The following STARD13 variants were observed in gnomAD, a reference collection of about 807,000 sequenced individuals.
STARD13 encodes StAR related lipid transfer domain containing 13.
A neutral mutation model predicts 106.4 loss-of-function variants in STARD13; 62 were observed. That is an observed-to-expected ratio of 0.58 (90% CI 0.48 to 0.72). The LOEUF (loss-of-function observed/expected upper bound fraction) is 0.72, where lower values mean the gene tolerates loss of function less well. STARD13 is among the 30% of genes least tolerant of loss of function. The probability of loss-of-function intolerance (pLI) is 0.00; values close to 1 mark genes in which losing one functional copy is unlikely to be tolerated. For missense variants in STARD13, 1,387 were observed against 1,424.0 expected (o/e 0.97, Z 0.42); for synonymous variants, 565 against 553.0 (o/e 1.02, Z -0.31).
At chr13:33,459,123 T>C in the STARD13 span, among the ~76,000 whole-genome samples, 1 of 152,190 alleles carries the variant, frequency 6.6e-6, no homozygotes, top group Non-Finnish European at 1.5e-5. Context: ...ATAAATTGCA[T>C]AGATATAGTG....
At chr13:33,356,074 C>A in the STARD13 span, among the ~76,000 whole-genome samples, 441 of 152,280 alleles carry the variant, frequency 2.9e-3, 5 homozygotes, top group African/African-American at 9.9e-3. Flanking sequence ...ATCACAATTC[C>A]TTTCTATATT....
At chr13:33,490,467 A>T in the STARD13 span, among the ~76,000 whole-genome samples, 1 of 152,200 alleles carries the variant, frequency 6.6e-6, no homozygotes, top group Admixed American at 6.5e-5. Context: ...GGAGGCAAGC[A>T]GACCGACAGT....
At chr13:33,429,929 G>GA in the STARD13 span, among the ~76,000 whole-genome samples, 2 of 144,606 alleles carry the variant, frequency 1.4e-5, no homozygotes, top group African/African-American at 5.3e-5. Context: ...TTTTTTTTTG[G>GA]GGGGGGGGGA....
At chr13:33,630,534 C>T in the STARD13 span, among the ~76,000 whole-genome samples, 1 of 152,206 alleles carries the variant, frequency 6.6e-6, no homozygotes, top group Admixed American at 6.5e-5. Context: ...AGTCACTCTG[C>T]AAGATGCAAT....
chr13:33,291,245 C>G (rs1193355624), intron 1 of STARD13, among the ~76,000 whole-genome samples: 1 of 152,212 alleles, frequency 6.6e-6, no homozygotes, highest in African/African-American at 2.4e-5. Flanking sequence ...TCAGGCAGGA[C>G]AAATCTATGC....
intron 1 of STARD13, among the ~76,000 whole-genome samples, chr13:33,183,138 A>T (rs1248870629): frequency 1.3e-5 from 2 of 152,184 alleles, no homozygotes; most frequent in Non-Finnish European, 2.9e-5. Context: ...ACTTTCACAC[A>T]TTCATTATGG....
the STARD13 span, among the ~76,000 whole-genome samples, chr13:33,616,662 T>C: frequency 1.3e-5 from 2 of 152,248 alleles, no homozygotes; most frequent in Admixed American, 6.5e-5. Flanking sequence ...TTGTGCCTAC[T>C]ACAAGCCATA....
chr13:33,331,526 A>AT (rs35827468), intron 1 of STARD13, among the ~76,000 whole-genome samples: 161 of 130,804 alleles, frequency 1.2e-3, no homozygotes, highest in African/African-American at 3.8e-3. Flanking sequence ...CTGATTTTGT[A>AT]TTTTTTTTTT....
chr13:33,467,025 G>A, the STARD13 span, among the ~76,000 whole-genome samples: 1 of 151,996 alleles, frequency 6.6e-6, no homozygotes, highest in African/African-American at 2.4e-5. Flanking sequence ...TTCACTGACT[G>A]GGACCACAGT....
At chr13:33,539,979 C>T in the STARD13 span, among the ~76,000 whole-genome samples, 1 of 152,178 alleles carries the variant, frequency 6.6e-6, no homozygotes, top group Admixed American at 6.5e-5. Flanking sequence ...CAATTACAAA[C>T]AACTTAGTTT....
In STARD13 at chr13:33,173,320, G is replaced by GC. The variant is rs1345109017; in HGVS notation, c.170-5699dup. Among the ~76,000 whole-genome samples, 4 of 152,220 alleles carry GC rather than the reference G, an allele frequency of 2.6e-5. No homozygotes were observed. In the East Asian group the frequency reaches 7.7e-4, roughly 29 times the overall value. On this transcript the variant is annotated intron_variant, in intron 1 of 13. Coordinates refer to ENST00000336934, the MANE Select transcript of STARD13 (RefSeq NM_178006.4). ...TATTTATTGAAGGTGTATTTCTTTG[G>GC]CCATACATTAAGCCAGTTTTGTTAA...
At chr13:33,490,367 C>T in the STARD13 span, among the ~76,000 whole-genome samples, 6 of 152,114 alleles carry the variant, frequency 3.9e-5, no homozygotes, top group African/African-American at 7.2e-5. Flanking sequence ...CCTGTTTTCG[C>T]GCTCCTCTTT....
chr13:33,257,502 G>T (rs977979292), intron 1 of STARD13, among the ~76,000 whole-genome samples: 1 of 152,132 alleles, frequency 6.6e-6, no homozygotes, highest in Admixed American at 6.6e-5. Flanking sequence ...GAATATGAAT[G>T]ACATCACAGC....
At chr13:33,167,876 G>A (rs1594024035) in intron 1 of STARD13, among the ~76,000 whole-genome samples, 1 of 152,166 alleles carries the variant, frequency 6.6e-6, no homozygotes, top group South Asian at 2.1e-4. Flanking sequence ...CAAAACCACA[G>A]ATCATAGAAG....
the STARD13 span, among the ~76,000 whole-genome samples, chr13:33,637,947 G>A: frequency 6.6e-6 from 1 of 152,088 alleles, no homozygotes; most frequent in Non-Finnish European, 1.5e-5. Flanking sequence ...TTATTAACAG[G>A]TTAAAAAAAT....
chr13:33,422,539 A>G, the STARD13 span, among the ~76,000 whole-genome samples: 2 of 152,200 alleles, frequency 1.3e-5, no homozygotes, highest in Non-Finnish European at 1.5e-5. Context: ...TATAGATTCA[A>G]TGCCATCCCC....
the STARD13 span, among the ~76,000 whole-genome samples, chr13:33,625,155 G>C: frequency 6.6e-6 from 1 of 152,140 alleles, no homozygotes. Context: ...GAGGGGTAGG[G>C]TCACAGACAT....
chr13:33,264,947 T>C (rs1356097692), intron 1 of STARD13, among the ~76,000 whole-genome samples: 3 of 152,152 alleles, frequency 2.0e-5, no homozygotes, highest in East Asian at 1.9e-4. Context: ...TAGTGAAACA[T>C]TGCTTTCCAA....
chr13:33,650,316 A>C, the STARD13 span, among the ~76,000 whole-genome samples: 1 of 146,952 alleles, frequency 6.8e-6, no homozygotes, highest in African/African-American at 2.6e-5. Flanking sequence ...TCAGCCTCCC[A>C]AGTAGCTGGG....
Sources: allele counts gnomAD v4.1 joint callset (sites outside exome capture counted in the v4.1 genomes callset), GRCh38; gene constraint gnomAD v4.1.1; transcripts MANE v1.5; gene names NCBI Gene and HGNC (gene_info 2026-07-23, HGNC 2026-07-21).